DPY19L2: variants seen among roughly 807,000 people sequenced by gnomAD.
The protein encoded by DPY19L2 is probable C-mannosyltransferase DPY19L2.
In DPY19L2, 34 loss-of-function variants were observed where a neutral mutation model predicts 97.9. The observed-to-expected ratio is 0.35, with a 90% CI of 0.26 to 0.46. The LOEUF is 0.46. DPY19L2 is among the 20% of genes least tolerant of loss of function. The probability of loss-of-function intolerance (pLI) is 1.00; values close to 1 mark genes in which losing one functional copy is unlikely to be tolerated. For missense variants in DPY19L2, 623 were observed against 911.4 expected (o/e 0.68, Z 4.07); for synonymous variants, 230 against 307.9 (o/e 0.75, Z 2.65).
At chr12:63,661,689 C>T (rs922084466) in intron 3 of DPY19L2, among the ~76,000 whole-genome samples, 1 of 151,880 alleles carries the variant, frequency 6.6e-6, no homozygotes, top group Non-Finnish European at 1.5e-5. Context: ...TTTCTATAGG[C>T]TTTCAAACTA....
chr12:63,583,955 T>C, intron 16 of DPY19L2, 119 bp from the exon 17 acceptor site: 1 of 694,922 alleles, frequency 1.4e-6, no homozygotes, highest in East Asian at 2.9e-5. Flanking sequence ...CTAAACTACT[T>C]ACGAAAATAC....
At chr12:63,652,207 G>A (rs1894348810) in intron 4 of DPY19L2, among the ~76,000 whole-genome samples, 1 of 152,266 alleles carries the variant, frequency 6.6e-6, no homozygotes, top group South Asian at 2.1e-4. Flanking sequence ...CTGATCATTA[G>A]AGAAATGCAA....
At chr12:63,636,574 G>A (rs1266836595) in intron 6 of DPY19L2, among the ~76,000 whole-genome samples, 2 of 152,014 alleles carry the variant, frequency 1.3e-5, no homozygotes, top group African/African-American at 2.4e-5. Context: ...AAAAAGGGAT[G>A]GAGGAAGATC....
chr12:63,598,065 A>C (rs1441132325), intron 13 of DPY19L2, among the ~76,000 whole-genome samples, 155 bp from the exon 14 acceptor site: 1 of 152,026 alleles, frequency 6.6e-6, no homozygotes, highest in Admixed American at 6.5e-5. Flanking sequence ...ACTACAGTGA[A>C]CCAAATATAC....
Position 63,645,951 on chromosome 12 carries a change from T to A in DPY19L2, c.709+1294A>T, listed in dbSNP as rs774262452. On this transcript the variant is annotated intron_variant, in intron 5 of 21. Transcript: ENST00000324472. ...CCAGTGCACCCCTTTCATGATCTGA[T>A]CCTTGCTTATATTCCCAGCACCATT... Among the ~76,000 whole-genome samples, 85 of 152,244 alleles carry A rather than the reference T, an allele frequency of 5.6e-4. 1 individual carries two copies. The highest frequency in any genetic ancestry group is 6.8e-4 in the Non-Finnish European group (46 of 68,002).
chr12:63,639,511 TCAAA>T (rs1271179759), intron 6 of DPY19L2, among the ~76,000 whole-genome samples: 1 of 150,446 alleles, frequency 6.6e-6, no homozygotes, highest in East Asian at 2.0e-4. Flanking sequence ...AAGAAAAAAA[TCAAA>T]CAACCCCATC....
chr12:63,592,878 A>T (rs372404870), intron 16 of DPY19L2, among the ~76,000 whole-genome samples: 1 of 152,104 alleles, frequency 6.6e-6, no homozygotes, highest in African/African-American at 2.4e-5. Flanking sequence ...GAAAATTTTC[A>T]CAACCTACTC....
In DPY19L2 at chr12:63,661,382, T is replaced by G. The variant is rs762330560; in HGVS notation, c.550A>C (p.Ile184Leu). The G allele has an allele frequency of 6.3e-7, 1 of 1,593,754 alleles. No individual in the cohort carries two copies. The highest frequency in any genetic ancestry group is 1.4e-5 in the African/African-American group (1 of 73,680). ...MNDRLTEYPL[I>L]INAIKRFHLY... is the part of the protein sequence containing the mutation. Reference sequence around the variant, plus strand: ...TGGAAGCGTTTTATTGCATTAATTATAAGAGGATATTCAGTAAGCCTGTCA... The same window carrying G: ...TGGAAGCGTTTTATTGCATTAATTAGAAGAGGATATTCAGTAAGCCTGTCA... Residue 184 changes from isoleucine to leucine, a missense_variant, in exon 4 of 22, where the codon ATA (isoleucine) becomes CTA (leucine). Ile to Leu is a conservative substitution (Grantham distance 5). This residue lies in a region of DPY19L2 where 84 missense variants were observed against 125.4 expected (regional missense o/e 0.67). Coordinates refer to ENST00000324472, the MANE Select transcript of DPY19L2 (RefSeq NM_173812.5).
chr12:63,591,993 AGG>A (rs1883060377), intron 16 of DPY19L2, among the ~76,000 whole-genome samples: 1 of 17,412 alleles, frequency 5.7e-5, no homozygotes, highest in Non-Finnish European at 8.9e-5. Flanking sequence ...AGGGAAGGGA[AGG>A]GAGGGGAAGG....
intron 19 of DPY19L2, among the ~76,000 whole-genome samples, chr12:63,573,454 G>A (rs1879260511): frequency 6.6e-6 from 1 of 152,044 alleles, no homozygotes; most frequent in South Asian, 2.1e-4. Flanking sequence ...TCTAGAAGTA[G>A]CCTTTAAAGG....
intron 19 of DPY19L2, among the ~76,000 whole-genome samples, chr12:63,579,886 A>T (rs1235531150): frequency 2.0e-5 from 3 of 152,182 alleles, no homozygotes; most frequent in African/African-American, 4.8e-5. Context: ...AAAAGGAAAC[A>T]AGCTCAGGAG....
intron 16 of DPY19L2, among the ~76,000 whole-genome samples, chr12:63,584,465 C>A (rs1881442783): frequency 6.6e-6 from 1 of 152,312 alleles, no homozygotes; most frequent in African/African-American, 2.4e-5. Flanking sequence ...CTGTGGCTAA[C>A]TGCAGTCCAA....
At chr12:63,616,020 AC>A (rs1352033480) in intron 11 of DPY19L2, among the ~76,000 whole-genome samples, 1 of 152,198 alleles carries the variant, frequency 6.6e-6, no homozygotes, top group Non-Finnish European at 1.5e-5. Flanking sequence ...ATTGCATTAG[AC>A]GTTATAAGTA....
At chr12:63,591,786 T>C (rs1424018424) in intron 16 of DPY19L2, among the ~76,000 whole-genome samples, 3 of 149,804 alleles carry the variant, frequency 2.0e-5, no homozygotes, top group Non-Finnish European at 4.4e-5. Context: ...TACAAAAAAA[T>C]ACAAAAATTA....
chr12:63,590,253 T>C (rs1248612849), intron 16 of DPY19L2, among the ~76,000 whole-genome samples: 2 of 152,180 alleles, frequency 1.3e-5, no homozygotes, highest in African/African-American at 2.4e-5. Flanking sequence ...ATAAAATGAA[T>C]TGTTTTTACC....
At chr12:63,596,373 A>T (rs117690890) in intron 14 of DPY19L2, among the ~76,000 whole-genome samples, 2 of 152,090 alleles carry the variant, frequency 1.3e-5, no homozygotes, top group Non-Finnish European at 2.9e-5. Flanking sequence ...CTACGTTGTA[A>T]CTTTCTGTAC....
intron 4 of DPY19L2, among the ~76,000 whole-genome samples, chr12:63,656,014 C>CT (rs1326338917): frequency 1.1e-4 from 17 of 152,254 alleles, no homozygotes; most frequent in Middle Eastern, 3.4e-3. Context: ...CTTGCACATG[C>CT]TTTATCTTTT....
At chr12:63,575,139 A>G (rs1418648422) in intron 19 of DPY19L2, among the ~76,000 whole-genome samples, 1 of 152,054 alleles carries the variant, frequency 6.6e-6, no homozygotes, top group Non-Finnish European at 1.5e-5. Flanking sequence ...ACAATGGAAA[A>G]AAAAACTAGA....
chr12:63,650,636 C>T (rs1208147301), intron 4 of DPY19L2, among the ~76,000 whole-genome samples: 9 of 151,858 alleles, frequency 5.9e-5, no homozygotes, highest in South Asian at 2.1e-4. Context: ...CTAATTAGAG[C>T]GGAGAAAAAT....
Sources: gnomAD v4.1 joint callset for allele counts (sites outside exome capture counted in the v4.1 genomes callset) on GRCh38, gnomAD v4.1.1 for gene constraint, gnomAD v4.1.1 regional missense constraint, MANE v1.5 for transcripts, NCBI Gene and HGNC (gene_info 2026-07-23, HGNC 2026-07-21) for gene names.